Variants in FARP1 observed in about 807,000 individuals in gnomAD.
FARP1 encodes FERM, ARHGEF and pleckstrin domain-containing protein 1.
Under a neutral mutation model 128.8 loss-of-function variants are expected in FARP1, and 52 were observed. The ratio of observed to expected loss-of-function variants is 0.40; its 90% CI spans 0.32 to 0.51. The LOEUF (loss-of-function observed/expected upper bound fraction) is 0.51, where lower values mean the gene tolerates loss of function less well. Ranked by LOEUF, FARP1 falls within the 20% of genes least tolerant of loss-of-function variation. The probability of loss-of-function intolerance (pLI) is 0.45; values close to 1 mark genes in which losing one functional copy is unlikely to be tolerated. For missense variants in FARP1, 1,333 were observed against 1,367.9 expected (o/e 0.97, Z 0.40); for synonymous variants, 580 against 551.8 (o/e 1.05, Z -0.72).
intron 1 of FARP1, among the ~76,000 whole-genome samples, chr13:98,147,397 A>G (rs572495459): frequency 6.6e-6 from 1 of 152,258 alleles, no homozygotes; most frequent in Admixed American, 6.5e-5. Flanking sequence ...CACTGAATGA[A>G]TTTCATATGT....
intron 2 of FARP1, among the ~76,000 whole-genome samples, chr13:98,307,349 T>C (rs1252116392): frequency 2.0e-5 from 3 of 152,050 alleles, no homozygotes; most frequent in African/African-American, 7.2e-5. Flanking sequence ...ATGGATGGAG[T>C]TGACAGAACT....
intron 1 of FARP1, among the ~76,000 whole-genome samples, chr13:98,177,651 TA>T (rs1176501875): frequency 1.1e-3 from 124 of 111,842 alleles, no homozygotes; most frequent in Admixed American, 2.2e-3. Flanking sequence ...TGTCTCAAAT[TA>T]AAAAAAAAAA....
At chr13:98,153,501 A>ATATGTATAAATATATATTTATATATATAT (rs1566670816) in intron 1 of FARP1, among the ~76,000 whole-genome samples, 40 of 132,014 alleles carry the variant, frequency 3.0e-4, no homozygotes, top group African/African-American at 1.1e-3. Flanking sequence ...TTATATAAAA[A>ATATGTATAAATATATATTTATATATATAT]TATGTATAAA....
At chr13:98,383,018 C>T (rs2140031307) in intron 6 of FARP1, among the ~76,000 whole-genome samples, 1 of 152,292 alleles carries the variant, frequency 6.6e-6, no homozygotes, top group African/African-American at 2.4e-5. Context: ...TCAACAGAAA[C>T]ACACATAAGA....
At chr13:98,171,170 T>C (rs1877625330) in intron 1 of FARP1, among the ~76,000 whole-genome samples, 1 of 152,194 alleles carries the variant, frequency 6.6e-6, no homozygotes, top group African/African-American at 2.4e-5. Context: ...TCCCAACACC[T>C]CGTGCCTCAT....
In FARP1 at chr13:98,247,349, C is replaced by A. The variant is rs1883121650; in HGVS notation, c.171+33936C>A. The stretch of plus-strand genomic sequence containing the variant: ...TGTTGGTGGTGTGCAGCCTTCCACA[C>A]CCCTGGCTGGGCCCACTTTGGCCCC... On this transcript the variant is annotated intron_variant, in intron 2 of 26. Transcript: ENST00000319562. Among the ~76,000 whole-genome samples, 4 of 152,350 alleles carry A rather than the reference C, an allele frequency of 2.6e-5. No homozygotes were observed. In the South Asian group the frequency reaches 8.3e-4, roughly 32 times the overall value.
chr13:98,367,770 G>A (rs9556939), intron 4 of FARP1, among the ~76,000 whole-genome samples: 27,545 of 152,150 alleles, frequency 0.18, 2,674 homozygotes, highest in East Asian at 0.34. Flanking sequence ...ACTGATGTAT[G>A]TTTTCATTAT....
chr13:98,326,711 CT>C (rs1442340617), intron 2 of FARP1, among the ~76,000 whole-genome samples: 1 of 151,934 alleles, frequency 6.6e-6, no homozygotes, highest in Non-Finnish European at 1.5e-5. Flanking sequence ...TGGCATAATT[CT>C]TTAGAATATG....
rs749259067 is a variant in FARP1 at position 98,377,954 on chromosome 13, A to T, written c.496+36A>T. 2.1e-5 allele frequency: 30 copies of T among 1,413,718 alleles called. 1 individual carries two copies. The South Asian group carries it at 3.5e-4, about 16-fold the overall frequency. The allele number at this position is 1,413,718 out of a possible 1,614,324, so 87.6% of individuals were successfully genotyped here. A position where few individuals can be genotyped will look rare whatever the true frequency, so the allele number is the denominator to read the frequency against. The stretch of plus-strand genomic sequence containing the variant: ...TTGGTTTCCTTTGAAAATCATGTTC[A>T]AAATAACACAGTGATCTGATTGATG... On this transcript the variant is annotated intron_variant, in intron 6 of 26. Transcript: ENST00000319562.
intron 2 of FARP1, among the ~76,000 whole-genome samples, chr13:98,313,262 C>CACACAT (rs1389332385): frequency 2.7e-5 from 4 of 150,886 alleles, no homozygotes. Flanking sequence ...CACACACACA[C>CACACAT]ACACACACAC....
At position 98,309,153 on chromosome 13, in the gene FARP1, C is replaced by CTTTTTTTTTTTTTTTTTTTTTT. The variant is rs56030081; in HGVS notation, c.172-34600_172-34579dup. Among the ~76,000 whole-genome samples, 5 of 89,670 alleles carry CTTTTTTTTTTTTTTTTTTTTTT rather than the reference C, an allele frequency of 5.6e-5. 2 individuals are homozygous for CTTTTTTTTTTTTTTTTTTTTTT. The highest frequency in any genetic ancestry group is 6.2e-5 in the Non-Finnish European group (3 of 48,410). 58.8% of individuals were successfully genotyped at this position (89,670 alleles called of 152,430 possible). A position where few individuals can be genotyped will look rare whatever the true frequency, so the allele number is the denominator to read the frequency against. On this transcript the variant is annotated intron_variant, in intron 2 of 26. Transcript: ENST00000319562. ...TATATTAATATTAATTTTAAGAGGC[C>CTTTTTTTTTTTTTTTTTTTTTT]TTTTTTTTTTTTTTTTTTTTTTTTT... is the stretch of plus-strand genomic sequence containing the variant.
chr13:98,274,326 C>G (rs892785538), intron 2 of FARP1, among the ~76,000 whole-genome samples: 1 of 152,094 alleles, frequency 6.6e-6, no homozygotes, highest in Non-Finnish European at 1.5e-5. Flanking sequence ...CGCGGGGCAG[C>G]GTGGGGCTCC....
intron 2 of FARP1, among the ~76,000 whole-genome samples, chr13:98,284,953 C>T (rs1885094469): frequency 6.6e-6 from 1 of 152,150 alleles, no homozygotes; most frequent in South Asian, 2.1e-4. Context: ...AGGTGGGCCC[C>T]CTTGGACCTG....
rs531299690 is a variant in FARP1 at position 98,416,338 on chromosome 13, C to T, written c.1826+4304C>T. Among the ~76,000 whole-genome samples the T allele has an allele frequency of 3.3e-4, 51 of 152,306 alleles. No individual in the cohort carries two copies. In the South Asian group the frequency reaches 3.7e-3, roughly 11 times the overall value. On this transcript the variant is annotated intron_variant, in intron 16 of 26. Coordinates refer to ENST00000319562, the MANE Select transcript of FARP1 (RefSeq NM_005766.4). ...GATCTAGTGAGTGTGACCTTCCCTTCGCAGTCCTGCATGAGACTGCAATAT... is the reference window on the plus strand; with the variant it reads ...GATCTAGTGAGTGTGACCTTCCCTTTGCAGTCCTGCATGAGACTGCAATAT...
At chr13:98,219,053 A>C (rs1349153849) in intron 2 of FARP1, among the ~76,000 whole-genome samples, 1 of 152,198 alleles carries the variant, frequency 6.6e-6, no homozygotes, top group Non-Finnish European at 1.5e-5. Flanking sequence ...TTTGAAATGT[A>C]ACAGTTCTTT....
At chr13:98,322,671 C>G (rs1783319748) in intron 2 of FARP1, among the ~76,000 whole-genome samples, 2 of 152,198 alleles carry the variant, frequency 1.3e-5, no homozygotes, top group Admixed American at 6.5e-5. Context: ...GAAGAAGGCA[C>G]TGAGTAGAGG....
intron 2 of FARP1, among the ~76,000 whole-genome samples, chr13:98,223,065 A>C (rs1317667443): frequency 1.3e-5 from 2 of 152,142 alleles, no homozygotes; most frequent in Non-Finnish European, 2.9e-5. Context: ...GCCCTGCAGA[A>C]GCAATGTCAG....
At chr13:98,212,649 T>C (rs1880803372) in intron 1 of FARP1, among the ~76,000 whole-genome samples, 1 of 152,118 alleles carries the variant, frequency 6.6e-6, no homozygotes, top group African/African-American at 2.4e-5. Flanking sequence ...AAATGAATTA[T>C]TAGGTGGTTA....
In FARP1 at chr13:98,213,221, T is replaced by TA. The variant is rs768858923; in HGVS notation, c.-21dup. 3.7e-6 allele frequency: 6 copies of TA among 1,604,696 alleles called. No individual in the cohort carries two copies. ...TTTCTTTCTCACTGCTTCCTGCAGA[T>TA]ATTCTCTAAGCCGCTTTCATCATGG... On this transcript the variant is annotated splice_region_variant and 5_prime_UTR_variant, in exon 2 of 27. Coordinates refer to ENST00000319562, the MANE Select transcript of FARP1 (RefSeq NM_005766.4).
Sources: allele counts gnomAD v4.1 joint callset (sites outside exome capture counted in the v4.1 genomes callset), GRCh38; gene constraint gnomAD v4.1.1; transcripts MANE v1.5; gene names NCBI Gene and HGNC (gene_info 2026-07-23, HGNC 2026-07-21).